Variants in ARPC4 observed in about 807,000 individuals in gnomAD.
ARPC4 encodes actin-related protein 2/3 complex subunit 4.
Under a neutral mutation model 22.8 loss-of-function variants are expected in ARPC4, and 3 were observed. That is an observed-to-expected ratio of 0.13 (90% CI 0.06 to 0.34). The LOEUF is 0.34. ARPC4 is among the 10% of genes least tolerant of loss of function. The probability of loss-of-function intolerance (pLI) is 1.00; values close to 1 mark genes in which losing one functional copy is unlikely to be tolerated. For missense variants in ARPC4, 98 were observed against 211.0 expected (o/e 0.46, Z 3.32); for synonymous variants, 80 against 72.5 (o/e 1.10, Z -0.52).
rs2078924853 is a variant in ARPC4, at chr3:9,797,651, T to C, written c.4-8T>C. The stretch of plus-strand genomic sequence containing the variant: ...GATCTTCCCTTTCCTCTGTGTTATT[T>C]CCTATAGACTGCCACTCTCCGCCCC... On this transcript the variant is annotated splice_polypyrimidine_tract_variant and splice_region_variant and intron_variant, in intron 1 of 5. Transcript: ENST00000397261. 4 of 1,612,022 alleles carry C rather than the reference T, an allele frequency of 2.5e-6. No individual in the cohort carries two copies. In the East Asian group the frequency reaches 8.9e-5, roughly 36 times the overall value.
At chr3:9,804,644 C>G (rs1232434610) in intron 5 of ARPC4, among the ~76,000 whole-genome samples, 1 of 152,002 alleles carries the variant, frequency 6.6e-6, no homozygotes, top group African/African-American at 2.4e-5. Flanking sequence ...TTTTTCCAAG[C>G]AATCTTTGGT....
intron 1 of ARPC4, among the ~76,000 whole-genome samples, chr3:9,796,069 C>A (rs2078877206): frequency 6.6e-6 from 1 of 151,770 alleles, no homozygotes; most frequent in Non-Finnish European, 1.5e-5. Context: ...GCGCTCCAGC[C>A]TGGACAACAG....
At chr3:9,801,166 G>A (rs1015218235) in intron 3 of ARPC4, among the ~76,000 whole-genome samples, 4 of 121,126 alleles carry the variant, frequency 3.3e-5, no homozygotes, top group Admixed American at 1.1e-4. Context: ...AGTCAAAATC[G>A]TACCACTGCA....
rs764641627 is a variant in ARPC4 at position 9,797,649 on chromosome 3, T to C, written c.4-10T>C. 13 of 1,611,660 alleles carry C rather than the reference T, an allele frequency of 8.1e-6. No individual in the cohort carries two copies. Among genetic ancestry groups the C allele is most frequent in the Non-Finnish European group, 1.1e-5 (13 of 1,178,340 alleles). ...TTGATCTTCCCTTTCCTCTGTGTTA[T>C]TTCCTATAGACTGCCACTCTCCGCC... On this transcript the variant is annotated splice_polypyrimidine_tract_variant and intron_variant, in intron 1 of 5. Coordinates refer to ENST00000397261, the MANE Select transcript of ARPC4 (RefSeq NM_005718.5).
intron 2 of ARPC4, among the ~76,000 whole-genome samples, chr3:9,798,595 G>T (rs1340874762): frequency 6.6e-6 from 1 of 151,646 alleles, no homozygotes; most frequent in Non-Finnish European, 1.5e-5. Flanking sequence ...AAGTAAATAG[G>T]CCGGGCACAG....
upstream of ARPC4, chr3:9,793,033 A>T (rs2078782066): frequency 1.3e-6 from 2 of 1,539,186 alleles, no homozygotes; most frequent in Non-Finnish European, 1.7e-6. Context: ...GTCCGGGCGG[A>T]GACCGTAGCT....
chr3:9,796,737 T>C (rs138819784), intron 1 of ARPC4, among the ~76,000 whole-genome samples: 7,159 of 151,992 alleles, frequency 0.047, 229 homozygotes, highest in Non-Finnish European at 0.071. Context: ...GTCAGGAGAT[T>C]GAGACCATCC....
At chr3:9,805,613 A>G (rs1479592949) in intron 5 of ARPC4, among the ~76,000 whole-genome samples, 2 of 152,232 alleles carry the variant, frequency 1.3e-5, no homozygotes, top group African/African-American at 4.8e-5. Context: ...AAGGTTGGCA[A>G]CTAATTCATA....
At chr3:9,797,843 G>GGT in intron 2 of ARPC4, 66 bp downstream of exon 2, 1 of 1,520,222 alleles carries the variant, frequency 6.6e-7, no homozygotes, top group Non-Finnish European at 9.0e-7. Context: ...CTGTCTAGAA[G>GGT]GTGCCATGAA....
At chr3:9,803,231 C>T (rs941104904) in intron 4 of ARPC4, among the ~76,000 whole-genome samples, 1 of 152,202 alleles carries the variant, frequency 6.6e-6, no homozygotes, top group Non-Finnish European at 1.5e-5. Context: ...TCAGTTGTTG[C>T]CTGAATTTGT....
chr3:9,799,684 C>G (rs1199674893), intron 2 of ARPC4, among the ~76,000 whole-genome samples: 3 of 152,162 alleles, frequency 2.0e-5, no homozygotes, highest in African/African-American at 7.2e-5. Flanking sequence ...CTCAGGTGAT[C>G]CACCAGCCTC....
Position 9,793,090 on chromosome 3 carries a change from A to G in ARPC4, c.-32A>G. 6.5e-7 allele frequency: 1 copy of G among 1,545,654 alleles called. No homozygotes were observed. Among genetic ancestry groups the G allele is most frequent in the Non-Finnish European group, 8.7e-7 (1 of 1,145,360 alleles). Reference sequence around the variant, plus strand: ...GCATCGCGGGGCTGGCCACTTCCGTACTTCCGCTTTCCGGCCCAGCCAGCG... The same window carrying G: ...GCATCGCGGGGCTGGCCACTTCCGTGCTTCCGCTTTCCGGCCCAGCCAGCG... On this transcript the variant is annotated 5_prime_UTR_variant, in exon 1 of 6. Coordinates refer to ENST00000397261, the MANE Select transcript of ARPC4 (RefSeq NM_005718.5).
At chr3:9,796,382 G>A (rs757056357) in intron 1 of ARPC4, among the ~76,000 whole-genome samples, 9 of 152,104 alleles carry the variant, frequency 5.9e-5, no homozygotes, top group South Asian at 2.1e-4. Flanking sequence ...TGACAGAAGC[G>A]AGACTCCCTC....
chr3:9,797,259 A>G (rs1033329013), intron 1 of ARPC4, among the ~76,000 whole-genome samples: 9 of 152,146 alleles, frequency 5.9e-5, no homozygotes, highest in African/African-American at 2.2e-4. Flanking sequence ...TCTCAACCTT[A>G]GCACTATTGA....
rs983520679 is a variant in ARPC4 at position 9,796,348 on chromosome 3, C to T, written c.4-1311C>T. The stretch of plus-strand genomic sequence containing the variant: ...GGCGGCGATTGCCGTGAGCAGAGAT[C>T]GTGCCACTGCACTCCAGCGAGGGTG... On this transcript the variant is annotated intron_variant, in intron 1 of 5. Transcript: ENST00000397261. 5.3e-5 allele frequency among the ~76,000 whole-genome samples: 8 copies of T among 152,158 alleles called. No homozygotes were observed. The South Asian group carries it at 6.2e-4, about 12-fold the overall frequency.
upstream of ARPC4, chr3:9,792,831 G>T (rs878972533): frequency 3.7e-6 from 5 of 1,356,884 alleles, no homozygotes; most frequent in South Asian, 3.6e-5. Flanking sequence ...CCTGGGGGAG[G>T]CTGTGGCAAA....
chr3:9,793,199 C>T (rs1213690200), intron 1 of ARPC4, 75 bp downstream of exon 1: 1 of 1,504,058 alleles, frequency 6.6e-7, no homozygotes, highest in Admixed American at 2.2e-5. Context: ...GGAGATGTGG[C>T]TTTGCCGCAG....
At position 9,806,313 on chromosome 3, in the gene ARPC4, G is replaced by C; in HGVS notation, c.*98G>C. On this transcript the variant is annotated 3_prime_UTR_variant, in exon 6 of 6. Transcript: ENST00000397261. Reference sequence around the variant, plus strand: ...CCCCGAGCAGCGCGGCGGCGGCAGGGAGTTGGGTTGGGGTGGGCATTTGAT... The same window carrying C: ...CCCCGAGCAGCGCGGCGGCGGCAGGCAGTTGGGTTGGGGTGGGCATTTGAT... 1.4e-6 allele frequency: 2 copies of C among 1,432,912 alleles called. No homozygotes were observed. Among genetic ancestry groups the C allele is most frequent in the Non-Finnish European group, 2.0e-6 (2 of 1,015,056 alleles). The allele number at this position is 1,432,912 out of a possible 1,614,324, so 88.8% of individuals were successfully genotyped here. A position where few individuals can be genotyped will look rare whatever the true frequency, so the allele number is the denominator to read the frequency against.
chr3:9,800,678 A>G (rs183262019), intron 3 of ARPC4, among the ~76,000 whole-genome samples: 5 of 151,680 alleles, frequency 3.3e-5, no homozygotes, highest in African/African-American at 7.3e-5. Context: ...GCCCGCCTCA[A>G]CCTCCCAAAG....
Sources: gnomAD v4.1 joint callset for allele counts (sites outside exome capture counted in the v4.1 genomes callset) on GRCh38, gnomAD v4.1.1 for gene constraint, MANE v1.5 for transcripts, NCBI Gene and HGNC (gene_info 2026-07-23, HGNC 2026-07-21) for gene names.